The following RBM47 variants were observed in gnomAD, a reference collection of about 807,000 sequenced individuals.
RBM47 encodes RNA binding motif protein 47, also known as RNA-binding protein 47.
In RBM47, 21 loss-of-function variants were observed where a neutral mutation model predicts 47.1. The observed-to-expected ratio is 0.45, with a 90% CI of 0.32 to 0.64. The LOEUF is 0.64. Ranked by LOEUF, RBM47 falls within the 30% of genes least tolerant of loss-of-function variation. RBM47 has a pLI of 0.05. For missense variants in RBM47, 708 were observed against 870.9 expected, an observed-to-expected ratio of 0.81 and a Z score of 2.35; for synonymous variants, 375 against 361.7, an observed-to-expected ratio of 1.04 and a Z score of -0.42.
chr4:40,452,839 TC>T (rs1715650781), intron 3 of RBM47, among the ~76,000 whole-genome samples: 3 of 119,582 alleles, frequency 2.5e-5, no homozygotes, highest in South Asian at 6.4e-4. Flanking sequence ...GTGATTTCCT[TC>T]TTTTTTTTTT....
At chr4:40,606,245 A>G (rs1735747554) in intron 1 of RBM47, among the ~76,000 whole-genome samples, 1 of 151,986 alleles carries the variant, frequency 6.6e-6, no homozygotes, top group Non-Finnish European at 1.5e-5. Context: ...AAAATATTAA[A>G]TGATGATGTA....
Position 40,425,871 on chromosome 4 carries a change from T to C in RBM47, c.*33A>G. On this transcript the variant is annotated 3_prime_UTR_variant, in exon 7 of 7. Coordinates refer to ENST00000295971, the MANE Select transcript of RBM47 (RefSeq NM_001098634.2). The stretch of plus-strand genomic sequence containing the variant: ...TAGTCAAGCGTTCCTTCAGTGGTGT[T>C]TGTGTGGTCTGTCTTCGTGCTGGTC... 6.2e-7 allele frequency: 1 copy of C among 1,604,470 alleles called. No individual in the cohort carries two copies. The highest frequency in any genetic ancestry group is 8.5e-7 in the Non-Finnish European group (1 of 1,172,524).
intron 2 of RBM47, among the ~76,000 whole-genome samples, chr4:40,537,627 A>AC (rs1728113067): frequency 1.3e-5 from 2 of 152,094 alleles, no homozygotes; most frequent in African/African-American, 2.4e-5. Context: ...AAAAGGGCAA[A>AC]TCATTAAGTT....
At chr4:40,585,616 A>C (rs1733501610) in intron 1 of RBM47, among the ~76,000 whole-genome samples, 1 of 152,192 alleles carries the variant, frequency 6.6e-6, no homozygotes, top group Non-Finnish European at 1.5e-5. Flanking sequence ...GGAGTTTTCA[A>C]GGCAAAGCCT....
chr4:40,585,541 G>C (rs1733490954), intron 1 of RBM47, among the ~76,000 whole-genome samples: 1 of 149,342 alleles, frequency 6.7e-6, no homozygotes, highest in East Asian at 1.9e-4. Flanking sequence ...TATTGTTATA[G>C]GCCTATTGCC....
intron 5 of RBM47, among the ~76,000 whole-genome samples, chr4:40,433,111 C>A (rs1156961160): frequency 6.6e-6 from 1 of 152,066 alleles, no homozygotes; most frequent in Non-Finnish European, 1.5e-5. Flanking sequence ...CAGGTACAGG[C>A]CACCTTGCCC....
chr4:40,625,498 A>G (rs1737658880), intron 1 of RBM47, among the ~76,000 whole-genome samples: 1 of 152,156 alleles, frequency 6.6e-6, no homozygotes, highest in Non-Finnish European at 1.5e-5. Flanking sequence ...CATTCATTGT[A>G]CACTCACCCA....
rs776726277 is a variant in RBM47 at position 40,437,889 on chromosome 4, G to A, written c.1005C>T (p.Gly335=). The change falls in exon 4 of 7, where the codon GGC becomes GGT. Residue 335 remains glycine (G), a synonymous_variant. Coordinates refer to ENST00000295971, the MANE Select transcript of RBM47 (RefSeq NM_001098634.2). ...SRYQKAARGG[G]AAEAAQQPSY... is the part of the protein sequence containing the mutation. ...TGGGCTGCTGCGCTGCCTCAGCCGC[G>A]CCGCCGCCCCTGGCTGCCTTCTGGT... The A allele has an allele frequency of 9.3e-6, 15 of 1,613,798 alleles. No homozygotes were observed. In the East Asian group the frequency reaches 1.3e-4, roughly 14 times the overall value.
intron 2 of RBM47, among the ~76,000 whole-genome samples, chr4:40,477,853 T>C (rs2154240196): frequency 6.6e-6 from 1 of 152,166 alleles, no homozygotes; most frequent in Admixed American, 6.5e-5. Context: ...ATAAACATAC[T>C]AGTTTTAACA....
chr4:40,430,823 A>G (rs1715872152), intron 6 of RBM47, among the ~76,000 whole-genome samples: 1 of 152,250 alleles, frequency 6.6e-6, no homozygotes, highest in African/African-American at 2.4e-5. Context: ...GCAACGGCTC[A>G]TGCCTGTAAT....
At chr4:40,547,998 G>A (rs765866418) in intron 1 of RBM47, among the ~76,000 whole-genome samples, 9 of 152,238 alleles carry the variant, frequency 5.9e-5, no homozygotes, top group Admixed American at 1.3e-4. Flanking sequence ...GCTGAGCTGG[G>A]CTAGAAATGT....
intron 2 of RBM47, among the ~76,000 whole-genome samples, chr4:40,518,158 CTTTTTTTTTT>C (rs530465415): frequency 1.3e-4 from 9 of 70,682 alleles, no homozygotes; most frequent in East Asian, 4.9e-4. Context: ...CTTTTCTTTT[CTTTTTTTTTT>C]TTTTTTTTTT....
At chr4:40,549,587 A>G (rs1729361139) in intron 1 of RBM47, among the ~76,000 whole-genome samples, 1 of 144,358 alleles carries the variant, frequency 6.9e-6, no homozygotes, top group African/African-American at 2.6e-5. Context: ...CAGTGGCATG[A>G]TCTCGGCTCA....
At chr4:40,458,164 C>T (rs1465606728) in intron 3 of RBM47, among the ~76,000 whole-genome samples, 2 of 152,054 alleles carry the variant, frequency 1.3e-5, no homozygotes, top group Admixed American at 6.6e-5. Flanking sequence ...ACAATATGCA[C>T]CTTCTGGTGG....
intron 2 of RBM47, among the ~76,000 whole-genome samples, chr4:40,509,636 C>CAGA (rs1429716551): frequency 2.0e-5 from 3 of 152,020 alleles, no homozygotes; most frequent in Non-Finnish European, 4.4e-5. Flanking sequence ...AATCCCAGCA[C>CAGA]TTTGGGAGGC....
At chr4:40,465,117 A>G (rs1442070032) in intron 3 of RBM47, among the ~76,000 whole-genome samples, 2 of 152,046 alleles carry the variant, frequency 1.3e-5, no homozygotes, top group African/African-American at 4.8e-5. Context: ...AATTCAATGG[A>G]CTAAATCCAA....
chr4:40,527,436 ATTTTTTTTT>A (rs60524903), intron 2 of RBM47, among the ~76,000 whole-genome samples: 24 of 104,718 alleles, frequency 2.3e-4, no homozygotes, highest in African/African-American at 8.2e-4. Context: ...ACACCTGGCA[ATTTTTTTTT>A]TTTTTTTTTT....
intron 1 of RBM47, among the ~76,000 whole-genome samples, chr4:40,583,388 GAAAAAAAAA>G (rs56371832): frequency 2.1e-4 from 19 of 91,100 alleles, no homozygotes; most frequent in South Asian, 1.6e-3. Context: ...CTCCATCTCA[GAAAAAAAAA>G]AAAAAAAAAA....
At position 40,457,701 on chromosome 4, in the gene RBM47, C is replaced by T. The variant is rs561017970; in HGVS notation, c.-32+8876G>A. Among the ~76,000 whole-genome samples the T allele has an allele frequency of 9.9e-4, 151 of 152,284 alleles. 3 individuals carry two copies. The highest frequency in any genetic ancestry group is 7.9e-4 in the Non-Finnish European group (54 of 68,016). Reference sequence around the variant, plus strand: ...CCACTGGCCTTAGCCTCCCAAAGTGCTGGGATTAGAGGCATGAGTCACTGT... The same window carrying T: ...CCACTGGCCTTAGCCTCCCAAAGTGTTGGGATTAGAGGCATGAGTCACTGT... On this transcript the variant is annotated intron_variant, in intron 3 of 6. Transcript: ENST00000295971.
Sources: allele counts gnomAD v4.1 joint callset (sites outside exome capture counted in the v4.1 genomes callset), GRCh38; gene constraint gnomAD v4.1.1; transcripts MANE v1.5; gene names NCBI Gene and HGNC (gene_info 2026-07-23, HGNC 2026-07-21).